SDK1: variants seen among roughly 807,000 people sequenced by gnomAD.
SDK1 encodes the protein protein sidekick-1.
In SDK1, 157 loss-of-function variants were observed where a neutral mutation model predicts 245.5. That is an observed-to-expected ratio of 0.64 (90% CI 0.56 to 0.73). SDK1 has a LOEUF of 0.73. Ranked by LOEUF, SDK1 falls within the 30% of genes least tolerant of loss-of-function variation. SDK1 has a pLI of 0.00. For missense variants in SDK1, 3,583 were observed against 3,002.3 expected (o/e 1.19, Z -4.52); for synonymous variants, 1,647 against 1,278.5 (o/e 1.29, Z -6.15).
At chr7:3,887,681 A>C (rs1781368210) in intron 5 of SDK1, among the ~76,000 whole-genome samples, 1 of 152,184 alleles carries the variant, frequency 6.6e-6, no homozygotes, top group South Asian at 2.1e-4. Context: ...GCAGATGATT[A>C]TTCTCTATGT....
intron 5 of SDK1, among the ~76,000 whole-genome samples, chr7:3,910,235 C>T (rs953209234): frequency 2.4e-4 from 37 of 152,124 alleles, no homozygotes; most frequent in African/African-American, 7.0e-4. Context: ...AGAGGCTGAG[C>T]GTTTCAAAGA....
chr7:4,096,367 T>C (rs903005959), intron 22 of SDK1, among the ~76,000 whole-genome samples: 10 of 152,080 alleles, frequency 6.6e-5, no homozygotes, highest in South Asian at 4.2e-4. Flanking sequence ...AGAGGAACTT[T>C]AGGCACCTTA....
At chr7:3,961,594 C>T (rs915841178) in intron 8 of SDK1, among the ~76,000 whole-genome samples, 6 of 152,128 alleles carry the variant, frequency 3.9e-5, no homozygotes, top group African/African-American at 1.4e-4. Context: ...TTCCTGTATC[C>T]ACAATGGAAT....
At chr7:3,750,429 A>T (rs991862292) in intron 4 of SDK1, among the ~76,000 whole-genome samples, 2 of 152,228 alleles carry the variant, frequency 1.3e-5, no homozygotes, top group Non-Finnish European at 2.9e-5. Context: ...TCAACTCTTC[A>T]GTGATACTTG....
chr7:3,406,931 A>G (rs972050365), intron 1 of SDK1, among the ~76,000 whole-genome samples: 3 of 151,960 alleles, frequency 2.0e-5, no homozygotes, highest in Non-Finnish European at 4.4e-5. Flanking sequence ...ACAAGCAGAA[A>G]ATATCCTTTT....
chr7:3,651,256 T>A (rs1783006579), intron 4 of SDK1, among the ~76,000 whole-genome samples: 1 of 152,152 alleles, frequency 6.6e-6, no homozygotes. Flanking sequence ...TTGTCATGAT[T>A]TTTTATTTTA....
At chr7:3,772,306 G>A (rs73306123) in intron 4 of SDK1, among the ~76,000 whole-genome samples, 6,002 of 151,036 alleles carry the variant, frequency 0.04, 359 homozygotes, top group African/African-American at 0.13. Context: ...GATGACATTT[G>A]GTATCCTAAA....
At chr7:3,934,652 G>C (rs1400404628) in intron 5 of SDK1, among the ~76,000 whole-genome samples, 1 of 152,232 alleles carries the variant, frequency 6.6e-6, no homozygotes, top group Non-Finnish European at 1.5e-5. Flanking sequence ...GGATCCACAA[G>C]TATCACGTGC....
intron 2 of SDK1, among the ~76,000 whole-genome samples, chr7:3,629,088 T>A (rs1269593679): frequency 6.6e-6 from 1 of 150,912 alleles, no homozygotes; most frequent in African/African-American, 2.4e-5. Context: ...GTCAGGTGAT[T>A]GAGACCATCC....
At chr7:4,160,689 T>C (rs1461216360) in intron 31 of SDK1, among the ~76,000 whole-genome samples, 2 of 152,170 alleles carry the variant, frequency 1.3e-5, no homozygotes, top group Non-Finnish European at 2.9e-5. Context: ...CTCAAGGACA[T>C]TGAGAACTCC....
chr7:3,679,519 A>T (rs373870344), intron 4 of SDK1, among the ~76,000 whole-genome samples: 1 of 152,114 alleles, frequency 6.6e-6, no homozygotes, highest in African/African-American at 2.4e-5. Context: ...GTGAGCCGAG[A>T]TCGTGCCACT....
At chr7:3,543,887 C>T (rs917730445) in intron 1 of SDK1, among the ~76,000 whole-genome samples, 2 of 152,188 alleles carry the variant, frequency 1.3e-5, no homozygotes, top group African/African-American at 2.4e-5. Context: ...ATAGTACAAA[C>T]ACCAACAGCC....
intron 5 of SDK1, among the ~76,000 whole-genome samples, chr7:3,846,634 A>T (rs1004244134): frequency 6.6e-6 from 1 of 152,176 alleles, no homozygotes; most frequent in Non-Finnish European, 1.5e-5. Flanking sequence ...CTCCTGTCCT[A>T]AAGAGTATTA....
intron 9 of SDK1, among the ~76,000 whole-genome samples, chr7:3,965,148 C>G (rs1562584328): frequency 1.3e-5 from 2 of 152,166 alleles, no homozygotes; most frequent in Non-Finnish European, 2.9e-5. Flanking sequence ...AGCCACAGTT[C>G]TCAGCACATG....
At chr7:3,702,120 A>G (rs1416778885) in intron 4 of SDK1, among the ~76,000 whole-genome samples, 1 of 152,134 alleles carries the variant, frequency 6.6e-6, no homozygotes, top group Non-Finnish European at 1.5e-5. Context: ...ACAGTCCATA[A>G]ATGTAAAAAT....
chr7:3,351,877 A>G (rs1780669423), intron 1 of SDK1, among the ~76,000 whole-genome samples: 1 of 152,094 alleles, frequency 6.6e-6, no homozygotes, highest in African/African-American at 2.4e-5. Flanking sequence ...TGATCAATGA[A>G]CAAATCTGAC....
intron 19 of SDK1, among the ~76,000 whole-genome samples, chr7:4,053,206 G>T (rs1012767191): frequency 6.6e-6 from 1 of 151,790 alleles, no homozygotes; most frequent in African/African-American, 2.4e-5. Flanking sequence ...ACTAGAGTTT[G>T]GCCGTCGCCA....
intron 2 of SDK1, among the ~76,000 whole-genome samples, chr7:3,622,648 T>C (rs1400668970): frequency 1.3e-5 from 2 of 152,216 alleles, no homozygotes; most frequent in Non-Finnish European, 2.9e-5. Context: ...CCCTTGCATA[T>C]GTATTTGTTC....
At chr7:3,670,169 T>C (rs1202043002) in intron 4 of SDK1, among the ~76,000 whole-genome samples, 1 of 152,220 alleles carries the variant, frequency 6.6e-6, no homozygotes, top group East Asian at 1.9e-4. Context: ...CCCCATGCTG[T>C]GGTCAGAATG....
Sources: allele counts gnomAD v4.1 joint callset (sites outside exome capture counted in the v4.1 genomes callset), GRCh38; gene constraint gnomAD v4.1.1; transcripts MANE v1.5; gene names NCBI Gene and HGNC (gene_info 2026-07-23, HGNC 2026-07-21).